Variants in RGS5 observed in about 807,000 individuals in gnomAD.
RGS5 encodes regulator of G protein signaling 5, also known as regulator of G-protein signalling 5.
In RGS5, 20 loss-of-function variants were observed where a neutral mutation model predicts 18.9. That is an observed-to-expected ratio of 1.06 (90% confidence interval 0.74 to 1.54). RGS5 has a LOEUF of 1.54. RGS5 is among the 40% of genes most tolerant of loss of function. The probability of loss-of-function intolerance (pLI) is 0.00; values close to 1 mark genes in which losing one functional copy is unlikely to be tolerated. For synonymous variants in RGS5, 57 were observed against 76.2 expected (o/e 0.75, Z 1.31); for missense variants, 201 against 211.8 (o/e 0.95, Z 0.32).
intron 2 of RGS5, among the ~76,000 whole-genome samples, chr1:163,265,884 T>A (rs1444490680): frequency 6.6e-6 from 1 of 152,170 alleles, no homozygotes; most frequent in Non-Finnish European, 1.5e-5. Flanking sequence ...CATTCCAAGG[T>A]TCTCCATCCC....
At chr1:163,255,273 C>A (rs1354760509) in intron 2 of RGS5, among the ~76,000 whole-genome samples, 3 of 152,132 alleles carry the variant, frequency 2.0e-5, no homozygotes, top group African/African-American at 4.8e-5. Flanking sequence ...ATTCTTTCTA[C>A]CCATGAGCAT....
chr1:163,155,463 G>A (rs372913728), intron 3 of RGS5, among the ~76,000 whole-genome samples: 56 of 151,902 alleles, frequency 3.7e-4, no homozygotes, highest in African/African-American at 8.9e-4. Context: ...TATTGTATTC[G>A]TCTGCAAGAT....
chr1:163,293,369 G>C (rs1442547374), intron 2 of RGS5, among the ~76,000 whole-genome samples: 2 of 152,130 alleles, frequency 1.3e-5, no homozygotes, highest in Admixed American at 1.3e-4. Flanking sequence ...CATCTGACAT[G>C]GTGGCAGGAG....
intron 2 of RGS5, among the ~76,000 whole-genome samples, chr1:163,265,782 T>G (rs1245424396): frequency 6.6e-6 from 1 of 152,140 alleles, no homozygotes; most frequent in East Asian, 1.9e-4. Context: ...CATAATCATC[T>G]TTTTGTTCCT....
chr1:163,232,948 A>G (rs181611530), intron 2 of RGS5, among the ~76,000 whole-genome samples: 1 of 152,294 alleles, frequency 6.6e-6, no homozygotes, highest in Non-Finnish European at 1.5e-5. Context: ...ACTATTTACT[A>G]TTCAGCCTAT....
intron 1 of RGS5, among the ~76,000 whole-genome samples, chr1:163,172,943 A>G (rs1234366149): frequency 6.6e-6 from 1 of 152,162 alleles, no homozygotes; most frequent in Non-Finnish European, 1.5e-5. Context: ...TTTCCTCCCT[A>G]CCATAGCCTC....
chr1:163,235,872 C>T (rs941223333), intron 2 of RGS5, among the ~76,000 whole-genome samples: 1 of 152,190 alleles, frequency 6.6e-6, no homozygotes, highest in African/African-American at 2.4e-5. Context: ...GCAGGTTTCT[C>T]TCTACTTTAG....
At chr1:163,264,154 CA>C (rs1189499580) in intron 2 of RGS5, among the ~76,000 whole-genome samples, 1 of 152,014 alleles carries the variant, frequency 6.6e-6, no homozygotes, top group African/African-American at 2.4e-5. Context: ...TGGTTTAAGG[CA>C]TTATATCTTT....
intron 2 of RGS5, among the ~76,000 whole-genome samples, chr1:163,167,667 G>A (rs566894100): frequency 2.6e-5 from 4 of 152,126 alleles, no homozygotes; most frequent in Admixed American, 6.5e-5. Flanking sequence ...AAAATACCTG[G>A]TGTACATTAA....
At chr1:163,216,793 G>A (rs1660227310) in intron 1 of RGS5, among the ~76,000 whole-genome samples, 1 of 152,188 alleles carries the variant, frequency 6.6e-6, no homozygotes, top group Non-Finnish European at 1.5e-5. Flanking sequence ...TGATGGCCCT[G>A]AGAAAGGGTG....
At chr1:163,154,115 T>C (rs1657491477) in intron 3 of RGS5, among the ~76,000 whole-genome samples, 1 of 152,176 alleles carries the variant, frequency 6.6e-6, no homozygotes, top group African/African-American at 2.4e-5. Context: ...TAGTTCTGCT[T>C]AGGGATCATA....
chr1:163,205,234 A>C (rs550856951), upstream of RGS5, among the ~76,000 whole-genome samples: 23 of 152,040 alleles, frequency 1.5e-4, no homozygotes, highest in South Asian at 6.2e-4. Flanking sequence ...GCAAAATGAA[A>C]AATTTCTAGG....
chr1:163,192,489 C>A (rs73026862), intron 1 of RGS5, among the ~76,000 whole-genome samples: 2 of 147,594 alleles, frequency 1.4e-5, no homozygotes, highest in African/African-American at 5.0e-5. Flanking sequence ...AAGACCTATT[C>A]GCCTTAAAGT....
At chr1:163,197,044 C>T (rs1659588330) in intron 1 of RGS5, among the ~76,000 whole-genome samples, 1 of 152,042 alleles carries the variant, frequency 6.6e-6, no homozygotes, top group South Asian at 2.1e-4. Context: ...CTATCTTTCC[C>T]CTGAATAAAT....
intron 2 of RGS5, among the ~76,000 whole-genome samples, chr1:163,252,503 CAT>C (rs774503794): frequency 1.3e-5 from 2 of 152,162 alleles, no homozygotes; most frequent in Admixed American, 6.5e-5. Context: ...CCATAATTCA[CAT>C]GTTATAGATC....
At chr1:163,274,311 G>C (rs1196477450) in intron 2 of RGS5, among the ~76,000 whole-genome samples, 1 of 133,884 alleles carries the variant, frequency 7.5e-6, no homozygotes, top group Non-Finnish European at 1.8e-5. Context: ...AGAGAAGGGA[G>C]CTGGAGATTG....
chr1:163,266,165 G>T (rs1648568060), intron 2 of RGS5, among the ~76,000 whole-genome samples: 1 of 152,016 alleles, frequency 6.6e-6, no homozygotes, highest in Admixed American at 6.6e-5. Context: ...CCAATTTATG[G>T]CAAGACCCAG....
At chr1:163,206,497 A>ACTATGTCCT (rs1659957857), upstream of RGS5, among the ~76,000 whole-genome samples, 1 of 152,200 alleles carries the variant, frequency 6.6e-6, no homozygotes, top group South Asian at 2.1e-4. Context: ...GTCCTCATAT[A>ACTATGTCCT]CATATGTACT....
chr1:163,175,836 C>G (rs898046158), intron 1 of RGS5, among the ~76,000 whole-genome samples: 1 of 152,090 alleles, frequency 6.6e-6, no homozygotes, highest in Admixed American at 6.5e-5. Flanking sequence ...ATATGAAATA[C>G]TCCTCGGGTG....
Sources: gnomAD v4.1 joint callset for allele counts (sites outside exome capture counted in the v4.1 genomes callset) on GRCh38, gnomAD v4.1.1 for gene constraint, MANE v1.5 for transcripts, NCBI Gene and HGNC (gene_info 2026-07-23, HGNC 2026-07-21) for gene names.